The following TTF1 variants were observed in gnomAD, a reference collection of about 807,000 sequenced individuals.
TTF1 encodes transcription termination factor, RNA polymerase I.
Under a neutral mutation model 80.2 loss-of-function variants are expected in TTF1, and 64 were observed. That is an observed-to-expected ratio of 0.80 (90% confidence interval 0.65 to 0.98). TTF1 has a LOEUF of 0.98. Ranked by LOEUF, TTF1 falls within the 50% of genes least tolerant of loss-of-function variation. The pLI, the probability that TTF1 is intolerant of heterozygous loss-of-function variation, is 0.00. For synonymous variants in TTF1, 372 were observed against 382.7 expected (o/e 0.97, Z 0.33); for missense variants, 1,023 against 1,086.2 (o/e 0.94, Z 0.82).
chr9:132,393,706 G>T (rs1481439124), intron 5 of TTF1, among the ~76,000 whole-genome samples: 1 of 152,098 alleles, frequency 6.6e-6, no homozygotes, highest in African/African-American at 2.4e-5. Context: ...AATTCCTCTA[G>T]CACCGCTGGG....
Position 132,376,329 on chromosome 9 carries a change from T to G in TTF1, c.2465-161A>C, listed in dbSNP as rs1327314155. ...TTACCCACATTCACTTCTTCAATCC[T>G]TGCAAAAATCCTACGAGGTAGGCAC... On this transcript the variant is annotated intron_variant, in intron 10 of 10. Coordinates refer to ENST00000334270, the MANE Select transcript of TTF1 (RefSeq NM_007344.4). Among the ~76,000 whole-genome samples, 4 of 152,254 alleles carry G rather than the reference T, an allele frequency of 2.6e-5. No individual in the cohort carries two copies. In the East Asian group the frequency reaches 7.7e-4, roughly 29 times the overall value.
intron 7 of TTF1, among the ~76,000 whole-genome samples, 166 bp downstream of exon 7, chr9:132,390,431 G>A (rs955461551): frequency 2.6e-5 from 4 of 152,154 alleles, no homozygotes; most frequent in Admixed American, 6.5e-5. Flanking sequence ...GGCTAGTTAC[G>A]TGCTCATTTA....
chr9:132,388,018 G>A (rs1024054879), intron 8 of TTF1, 121 bp downstream of exon 8: 7 of 660,984 alleles, frequency 1.1e-5, no homozygotes, highest in South Asian at 4.0e-5. Context: ...CAATACATGC[G>A]GAAAGTGCTG....
chr9:132,376,206 G>A lies in TTF1; in HGVS notation c.2465-38C>T, dbSNP rs200884721. The stretch of plus-strand genomic sequence containing the variant: ...AATTTAATTGTGCAGTTATCTGTCT[G>A]TACAAGGCCTCTTATCAAGGTCGAG... On this transcript the variant is annotated intron_variant, in intron 10 of 10. Transcript: ENST00000334270. 15 of 1,581,060 alleles carry A rather than the reference G, an allele frequency of 9.5e-6. No individual in the cohort carries two copies. In the Admixed American group the frequency reaches 2.2e-4, roughly 23 times the overall value.
chr9:132,389,352 T>C (rs1849522505), intron 7 of TTF1, among the ~76,000 whole-genome samples: 3 of 151,940 alleles, frequency 2.0e-5, no homozygotes, highest in South Asian at 4.2e-4. Context: ...CGGCTAATTT[T>C]TTGTATTTTT....
Position 132,401,968 on chromosome 9 carries a change from T to G in TTF1, c.854A>C (p.His285Pro). 6.2e-7 allele frequency: 1 copy of G among 1,613,954 alleles called. No individual in the cohort carries two copies. The change falls in exon 2 of 11, where the codon CAC becomes CCC. Residue 285 changes from histidine (H) to proline (P), a missense_variant. Coordinates refer to ENST00000334270, the MANE Select transcript of TTF1 (RefSeq NM_007344.4). ...SKKKKKKKSN[H>P]QEFEALAMPE... is the part of the protein sequence containing the mutation. ...CATGGCCAATGCCTCAAATTCCTGG[T>G]GATTGGACTTTTTCTTCTTTTTTTT...
chr9:132,391,005 T>C (rs1234580846), intron 6 of TTF1, among the ~76,000 whole-genome samples, 174 bp from the exon 7 acceptor site: 1 of 152,242 alleles, frequency 6.6e-6, no homozygotes, highest in African/African-American at 2.4e-5. Context: ...AACACGGTCA[T>C]GGATTCTTTT....
intron 9 of TTF1, among the ~76,000 whole-genome samples, chr9:132,382,552 G>A (rs1032376863): frequency 6.6e-6 from 1 of 152,058 alleles, no homozygotes; most frequent in African/African-American, 2.4e-5. Context: ...TGCCAACTGC[G>A]GACATTCTAC....
intron 5 of TTF1, among the ~76,000 whole-genome samples, chr9:132,395,148 C>T (rs187467612): frequency 6.1e-4 from 93 of 151,990 alleles, no homozygotes; most frequent in Admixed American, 1.4e-3. Context: ...GCCAAGATTG[C>T]GCCATTGCAC....
chr9:132,402,090 T>C lies in TTF1; in HGVS notation c.732A>G (p.Arg244=), dbSNP rs1318711995. Residue 244 remains arginine (R), a synonymous_variant, in exon 2 of 11, where the codon AGA becomes AGG. Transcript: ENST00000334270. Reference sequence around the variant, plus strand: ...ATTCCTGCATATCAGTCCCGGCCTCTCTGCCTGCTTGCGATCCTTCAGGCA... The same window carrying C: ...ATTCCTGCATATCAGTCCCGGCCTCCCTGCCTGCTTGCGATCCTTCAGGCA... ...LAMPEGSQAG[R]EAGTDMQESQ... is the part of the protein sequence containing the mutation. 1.2e-6 allele frequency: 2 copies of C among 1,613,960 alleles called. No individual in the cohort carries two copies. Among genetic ancestry groups the C allele is most frequent in the African/African-American group, 2.7e-5 (2 of 74,870 alleles).
At chr9:132,389,066 C>T (rs1589820138) in intron 7 of TTF1, among the ~76,000 whole-genome samples, 1 of 152,010 alleles carries the variant, frequency 6.6e-6, no homozygotes, top group Non-Finnish European at 1.5e-5. Flanking sequence ...ATAGCTAAAT[C>T]TTGCACGTTA....
At chr9:132,391,355 A>T (rs1775764112) in intron 6 of TTF1, among the ~76,000 whole-genome samples, 1 of 152,230 alleles carries the variant, frequency 6.6e-6, no homozygotes, top group Admixed American at 6.5e-5. Context: ...ATTCACGGTC[A>T]CGCTAAGTAA....
intron 2 of TTF1, among the ~76,000 whole-genome samples, chr9:132,401,041 GTGC>G (rs1290130066): frequency 4.6e-5 from 7 of 152,156 alleles, no homozygotes; most frequent in African/African-American, 1.7e-4. Context: ...TAATATGTAT[GTGC>G]TAAGGGTAGG....
chr9:132,377,095 G>A (rs955566081), intron 10 of TTF1, among the ~76,000 whole-genome samples: 1 of 152,156 alleles, frequency 6.6e-6, no homozygotes, highest in African/African-American at 2.4e-5. Context: ...TATTCTTTCT[G>A]GAATATGTGT....
rs7018897 is a variant in TTF1 at position 132,384,113 on chromosome 9, T to C, written c.2378+2443A>G. Among the ~76,000 whole-genome samples, 1,710 of 152,270 alleles carry C rather than the reference T, an allele frequency of 0.011. 33 individuals are homozygous for C. Among genetic ancestry groups the C allele is most frequent in the African/African-American group, 0.039 (1,608 of 41,552 alleles). The stretch of plus-strand genomic sequence containing the variant: ...AGTAATTGGAGGGAGTGAATGTAGA[T>C]GTTTAATAAGGACGGCTGGATTTTG... On this transcript the variant is annotated intron_variant, in intron 9 of 10. Transcript: ENST00000334270. The surrounding 1 kb of genome is among the most constrained non-coding windows in gnomAD (Gnocchi z 4.1).
rs1849774991 is a variant in TTF1, at chr9:132,402,076, T to C, written c.746A>G (p.Asp249Gly). The C allele has an allele frequency of 6.2e-7, 1 of 1,614,176 alleles. No individual in the cohort carries two copies. The highest frequency in any genetic ancestry group is 2.2e-5 in the East Asian group (1 of 44,886). Reference sequence around the variant, plus strand: ...CACAGTAGGCTGGGATTCCTGCATATCAGTCCCGGCCTCTCTGCCTGCTTG... The same window carrying C: ...CACAGTAGGCTGGGATTCCTGCATACCAGTCCCGGCCTCTCTGCCTGCTTG... ...GSQAGREAGTDMQESQPTVGL... is the reference protein window; with the variant it reads ...GSQAGREAGTGMQESQPTVGL... The change falls in exon 2 of 11, where the codon GAT (aspartate) becomes GGT (glycine). Residue 249 changes from aspartate (D) to glycine (G), a missense_variant. By Grantham distance (94) the Asp-to-Gly change is moderately conservative. Coordinates refer to ENST00000334270, the MANE Select transcript of TTF1 (RefSeq NM_007344.4).
intron 9 of TTF1, among the ~76,000 whole-genome samples, chr9:132,383,706 G>C (rs1406140775): frequency 6.6e-6 from 1 of 152,102 alleles, no homozygotes. Flanking sequence ...GATTTATTTG[G>C]TCCAGAGCAC....
chr9:132,378,098 G>GTGCA (rs1471196081), intron 10 of TTF1, among the ~76,000 whole-genome samples: 4 of 104,192 alleles, frequency 3.8e-5, no homozygotes, highest in Admixed American at 2.0e-4. Flanking sequence ...TGTGGTGTGA[G>GTGCA]TGCATGTGGT....
chr9:132,377,809 G>A (rs1464330944), intron 10 of TTF1, among the ~76,000 whole-genome samples: 1 of 137,634 alleles, frequency 7.3e-6, no homozygotes, highest in East Asian at 2.3e-4. Flanking sequence ...TGCATGTGGT[G>A]TGAGTGCATG....
Sources: allele counts gnomAD v4.1 joint callset (sites outside exome capture counted in the v4.1 genomes callset), GRCh38; gene constraint gnomAD v4.1.1; non-coding constraint Gnocchi (gnomAD v3.1); transcripts MANE v1.5; gene names NCBI Gene and HGNC (gene_info 2026-07-23, HGNC 2026-07-21).